RXRA: variants seen among roughly 807,000 people sequenced by gnomAD.
RXRA encodes the protein retinoid X receptor alpha.
Under a neutral mutation model 44.5 loss-of-function variants are expected in RXRA, and 5 were observed. That is an observed-to-expected ratio of 0.11 (90% CI 0.06 to 0.24). The LOEUF is 0.24. RXRA is among the 10% of genes least tolerant of loss of function. The pLI is 1.00. For missense variants in RXRA, 412 were observed against 646.5 expected (o/e 0.64, Z 3.93); for synonymous variants, 291 against 271.4 (o/e 1.07, Z -0.71).
At chr9:134,378,545 A>G (rs1830593481) in intron 1 of RXRA, among the ~76,000 whole-genome samples, 1 of 152,164 alleles carries the variant, frequency 6.6e-6, no homozygotes, top group Non-Finnish European at 1.5e-5. Context: ...TGCCGAGGGA[A>G]TAGGCTGTGG....
chr9:134,375,728 G>T (rs1830547703), intron 1 of RXRA, among the ~76,000 whole-genome samples: 1 of 152,116 alleles, frequency 6.6e-6, no homozygotes, highest in East Asian at 1.9e-4. Flanking sequence ...CTGAGGGCTG[G>T]GGTGAGGGCG....
In RXRA at chr9:134,366,083, G is replaced by C. The variant is rs752217136; in HGVS notation, c.29-35549G>C. Among the ~76,000 whole-genome samples the C allele has an allele frequency of 6.6e-6, 1 of 152,120 alleles. No homozygotes were observed. Among genetic ancestry groups the C allele is most frequent in the Non-Finnish European group, 1.5e-5 (1 of 68,008 alleles). ...GGGCTTGGCATCTTCAGCATCTCTCGTGCCTCAGTAACAACCTGGGAGCGG... is the reference window on the plus strand; with the variant it reads ...GGGCTTGGCATCTTCAGCATCTCTCCTGCCTCAGTAACAACCTGGGAGCGG... On this transcript the variant is annotated intron_variant, in intron 1 of 9. Transcript: ENST00000481739. The surrounding 1 kb of genome is among the most constrained non-coding windows in gnomAD (Gnocchi z 5.9).
At chr9:134,406,822 G>A (rs1236720241) in intron 2 of RXRA, among the ~76,000 whole-genome samples, 1 of 152,264 alleles carries the variant, frequency 6.6e-6, no homozygotes, top group Admixed American at 6.5e-5. Context: ...AGTGTCAAGT[G>A]TGGGTGCAAA....
intron 1 of RXRA, among the ~76,000 whole-genome samples, chr9:134,397,262 C>T (rs1052527526): frequency 3.9e-5 from 6 of 152,114 alleles, no homozygotes; most frequent in South Asian, 4.1e-4. Flanking sequence ...TTCACCGTCT[C>T]GCGGAGCAGC....
At chr9:134,405,206 G>C (rs1482145752) in intron 2 of RXRA, 1 of 152,336 alleles carries the variant, frequency 6.6e-6, no homozygotes, top group Non-Finnish European at 1.5e-5. Context: ...AAGGGCGGAA[G>C]AACGCCCGCC....
intron 1 of RXRA, among the ~76,000 whole-genome samples, chr9:134,357,136 C>G (rs911866640): frequency 6.6e-6 from 1 of 151,884 alleles, no homozygotes; most frequent in Non-Finnish European, 1.5e-5. Context: ...CAGCCTGTTG[C>G]AATTGCCTGC....
chr9:134,435,180 A>G (rs1831597268), intron 9 of RXRA, among the ~76,000 whole-genome samples: 1 of 152,222 alleles, frequency 6.6e-6, no homozygotes, highest in Non-Finnish European at 1.5e-5. Flanking sequence ...TCCCTGAAAG[A>G]AAGACTTCGT....
chr9:134,327,568 G>C (rs1200069866), intron 1 of RXRA, among the ~76,000 whole-genome samples: 1 of 152,180 alleles, frequency 6.6e-6, no homozygotes, highest in African/African-American at 2.4e-5. Flanking sequence ...CTGTCAGGCC[G>C]GGTGAAGGAT....
intron 1 of RXRA, among the ~76,000 whole-genome samples, chr9:134,389,327 G>A (rs1410603690): frequency 2.0e-5 from 3 of 152,208 alleles, no homozygotes; most frequent in Admixed American, 6.5e-5. Context: ...CCAGAGAAGT[G>A]GACGTTGGTG....
At chr9:134,376,023 C>T (rs1294763061) in intron 1 of RXRA, among the ~76,000 whole-genome samples, 1 of 149,754 alleles carries the variant, frequency 6.7e-6, no homozygotes, top group Admixed American at 6.7e-5. Context: ...TCTCCGCATG[C>T]GGGCAGATCA....
Position 134,433,988 on chromosome 9 carries a change from T to G in RXRA, c.1136-114T>G. The G allele has an allele frequency of 1.4e-6, 1 of 706,588 alleles. No homozygotes were observed. The highest frequency in any genetic ancestry group is 2.7e-5 in the East Asian group (1 of 37,126). The allele number at this position is 706,588 out of a possible 1,614,324, so 43.8% of individuals were successfully genotyped here. On this transcript the variant is annotated intron_variant, in intron 8 of 9. Coordinates refer to ENST00000481739, the MANE Select transcript of RXRA (RefSeq NM_002957.6). This position sits in a 1 kb window ranked among gnomAD's most constrained non-coding sequence, Gnocchi z 4.2. ...TGTCCAGCGGCATTCCTCCACCACC[T>G]GCTCTGCCCATGGTGGGGCAGCCTG... is the stretch of plus-strand genomic sequence containing the variant.
rs1239128420 is a variant in RXRA, at chr9:134,343,455, G to A, written c.28+16796G>A. ...GCCCCTGGAATAGGGGGCGCTCAGT[G>A]TAGGGCAAAGGAACGTGAGGAGGGC... On this transcript the variant is annotated intron_variant, in intron 1 of 9. Coordinates refer to ENST00000481739, the MANE Select transcript of RXRA (RefSeq NM_002957.6). The surrounding 1 kb of genome is among the most constrained non-coding windows in gnomAD (Gnocchi z 4.1). Among the ~76,000 whole-genome samples the A allele has an allele frequency of 6.6e-6, 1 of 152,148 alleles. No homozygotes were observed. Among genetic ancestry groups the A allele is most frequent in the Non-Finnish European group, 1.5e-5 (1 of 68,016 alleles).
chr9:134,326,700 C>A, intron 1 of RXRA, 41 bp downstream of exon 1: 2 of 488,728 alleles, frequency 4.1e-6, no homozygotes, highest in Non-Finnish European at 2.6e-6. Context: ...GGCCGGGGGC[C>A]GGGGGCCGGC....
intron 4 of RXRA, among the ~76,000 whole-genome samples, chr9:134,416,843 G>T (rs1266846535): frequency 6.6e-6 from 1 of 152,124 alleles, no homozygotes; most frequent in Non-Finnish European, 1.5e-5. Context: ...GGTTCTCCCT[G>T]AGTCCATAGA....
At chr9:134,416,122 A>G (rs377346490) in intron 4 of RXRA, among the ~76,000 whole-genome samples, 54 of 152,220 alleles carry the variant, frequency 3.5e-4, no homozygotes, top group African/African-American at 1.1e-3. Context: ...GGACTCTTCT[A>G]TCCAAATTCC....
chr9:134,423,675 G>C, intron 6 of RXRA: 1 of 985,496 alleles, frequency 1.0e-6, no homozygotes, highest in Non-Finnish European at 1.2e-6. Context: ...GAGGCATGTG[G>C]CTGTCTGCCG....
intron 1 of RXRA, among the ~76,000 whole-genome samples, chr9:134,381,611 G>A (rs1162097593): frequency 6.6e-6 from 1 of 152,150 alleles, no homozygotes; most frequent in African/African-American, 2.4e-5. Flanking sequence ...CCTCCTCCAT[G>A]GCCACAAGGC....
intron 1 of RXRA, among the ~76,000 whole-genome samples, chr9:134,369,334 T>TG (rs1200785019): frequency 1.4e-4 from 7 of 48,752 alleles, no homozygotes; most frequent in African/African-American, 7.4e-4. Context: ...GTGGGGGGGG[T>TG]TATGTGTGTG....
chr9:134,366,749 C>G lies in RXRA; in HGVS notation c.29-34883C>G, dbSNP rs550919826. Among the ~76,000 whole-genome samples, 1 of 152,196 alleles carries G rather than the reference C, an allele frequency of 6.6e-6. No homozygotes were observed. Among genetic ancestry groups the G allele is most frequent in the Admixed American group, 6.5e-5 (1 of 15,280 alleles). On this transcript the variant is annotated intron_variant, in intron 1 of 9. Coordinates refer to ENST00000481739, the MANE Select transcript of RXRA (RefSeq NM_002957.6). The surrounding 1 kb of genome is among the most constrained non-coding windows in gnomAD (Gnocchi z 5.9). Reference sequence around the variant, plus strand: ...GGTCAGAAAAGCCATAGACTCTCCACGGAAAAGGAAGCCTGGCACCCCCCA... The same window carrying G: ...GGTCAGAAAAGCCATAGACTCTCCAGGGAAAAGGAAGCCTGGCACCCCCCA...
Sources: allele counts gnomAD v4.1 joint callset (sites outside exome capture counted in the v4.1 genomes callset), GRCh38; gene constraint gnomAD v4.1.1; non-coding constraint Gnocchi (gnomAD v3.1); transcripts MANE v1.5; gene names NCBI Gene and HGNC (gene_info 2026-07-23, HGNC 2026-07-21).